The following ZBTB44 variants were observed in gnomAD, a reference collection of about 807,000 sequenced individuals.
ZBTB44 encodes zinc finger and BTB domain-containing protein 44.
ZBTB44 carries 15 observed loss-of-function variants against 54.0 expected under a neutral mutation model. That is an observed-to-expected ratio of 0.28 (90% CI 0.19 to 0.43). The LOEUF (loss-of-function observed/expected upper bound fraction) is 0.43. ZBTB44 is among the 20% of genes least tolerant of loss of function. The probability of loss-of-function intolerance (pLI) is 1.00; values close to 1 mark genes in which losing one functional copy is unlikely to be tolerated. For missense variants in ZBTB44, 487 were observed against 707.1 expected (o/e 0.69, Z 3.53); for synonymous variants, 230 against 250.1 (o/e 0.92, Z 0.76).
chr11:130,300,037 C>T (rs935032889), intron 1 of ZBTB44, among the ~76,000 whole-genome samples: 4 of 152,086 alleles, frequency 2.6e-5, no homozygotes, highest in African/African-American at 9.7e-5. Context: ...AGACATTATG[C>T]GAGTGAAATA....
chr11:130,254,419 T>C (rs528348838), intron 2 of ZBTB44, among the ~76,000 whole-genome samples: 1 of 152,276 alleles, frequency 6.6e-6, no homozygotes, highest in Admixed American at 6.5e-5. Context: ...GAGAAGGATA[T>C]GAACAGACAC....
intron 2 of ZBTB44, among the ~76,000 whole-genome samples, chr11:130,260,428 C>T (rs1051652759): frequency 7.9e-5 from 12 of 152,228 alleles, no homozygotes; most frequent in African/African-American, 2.9e-4. Context: ...TCCAGATGAG[C>T]ACTTTTGATA....
At chr11:130,298,866 T>C (rs1001806155) in intron 1 of ZBTB44, among the ~76,000 whole-genome samples, 2 of 147,122 alleles carry the variant, frequency 1.4e-5, no homozygotes, top group Admixed American at 6.7e-5. Flanking sequence ...CACAAAACCA[T>C]CAGTAAAGAT....
chr11:130,257,361 G>A (rs1298785031), intron 2 of ZBTB44, among the ~76,000 whole-genome samples: 3 of 152,142 alleles, frequency 2.0e-5, no homozygotes, highest in African/African-American at 4.8e-5. Flanking sequence ...TGCTGGATTA[G>A]GGTGGGACCT....
chr11:130,241,881 T>C (rs1954380369), intron 2 of ZBTB44, among the ~76,000 whole-genome samples: 1 of 152,242 alleles, frequency 6.6e-6, no homozygotes, highest in South Asian at 2.1e-4. Context: ...TTCTCTGCTC[T>C]GCAGTGCCTC....
At chr11:130,289,716 G>A (rs1941192701) in intron 1 of ZBTB44, among the ~76,000 whole-genome samples, 1 of 152,086 alleles carries the variant, frequency 6.6e-6, no homozygotes, top group Admixed American at 6.6e-5. Context: ...CCTAAGGATG[G>A]CAAAGCAAGA....
intron 1 of ZBTB44, among the ~76,000 whole-genome samples, chr11:130,298,455 G>GTTTT (rs996057514): frequency 2.1e-4 from 24 of 116,326 alleles, no homozygotes; most frequent in African/African-American, 6.7e-4. Flanking sequence ...AAAAGTTGAA[G>GTTTT]TTTTTTTTTT....
At chr11:130,281,800 TTTC>T (rs1940543956) in intron 1 of ZBTB44, among the ~76,000 whole-genome samples, 1 of 150,834 alleles carries the variant, frequency 6.6e-6, no homozygotes, top group African/African-American at 2.4e-5. Flanking sequence ...TTCGCCGGGG[TTTC>T]GCCGTGTTAG....
chr11:130,267,049 G>C (rs1191325164), intron 1 of ZBTB44, among the ~76,000 whole-genome samples: 1 of 152,094 alleles, frequency 6.6e-6, no homozygotes, highest in Non-Finnish European at 1.5e-5. Flanking sequence ...TGGATGGCTT[G>C]AGCTCAAGAG....
intron 2 of ZBTB44, among the ~76,000 whole-genome samples, chr11:130,255,919 A>AAC (rs1555167099): frequency 0.02 from 2,633 of 131,184 alleles, 62 homozygotes; most frequent in African/African-American, 0.071. Flanking sequence ...AAAAAAAAAA[A>AAC]AACACCCCTT....
intron 4 of ZBTB44, among the ~76,000 whole-genome samples, chr11:130,237,745 T>C (rs556393541): frequency 5.1e-4 from 77 of 152,278 alleles, no homozygotes; most frequent in African/African-American, 1.8e-3. Context: ...TCACAGAGAA[T>C]TGGTGCTAGG....
chr11:130,256,602 C>G (rs1196135608), intron 2 of ZBTB44, among the ~76,000 whole-genome samples: 1 of 151,826 alleles, frequency 6.6e-6, no homozygotes, highest in Admixed American at 6.6e-5. Flanking sequence ...CTTGAATGAG[C>G]TGAGATCACA....
At chr11:130,285,638 C>A in intron 1 of ZBTB44, 1 of 259,410 alleles carries the variant, frequency 3.9e-6, no homozygotes, top group South Asian at 5.7e-5. Flanking sequence ...TTGGAATATC[C>A]CCTACTTCAC....
chr11:130,296,594 G>C, intron 1 of ZBTB44: 1 of 898,462 alleles, frequency 1.1e-6, no homozygotes, highest in Non-Finnish European at 1.9e-6. Flanking sequence ...AGGTAGAACA[G>C]CCAGAGGCCT....
At chr11:130,244,654 G>A (rs1250007868) in intron 2 of ZBTB44, among the ~76,000 whole-genome samples, 1 of 125,610 alleles carries the variant, frequency 8.0e-6, no homozygotes, top group African/African-American at 3.2e-5. Flanking sequence ...GCGACAGAGA[G>A]AGACTCTGTC....
chr11:130,276,989 T>A (rs1443606170), intron 1 of ZBTB44, among the ~76,000 whole-genome samples: 4 of 152,244 alleles, frequency 2.6e-5, no homozygotes, highest in Non-Finnish European at 5.9e-5. Context: ...TTACATGATA[T>A]ATTTATTTCC....
At chr11:130,305,663 T>C (rs1417230300) in intron 1 of ZBTB44, among the ~76,000 whole-genome samples, 1 of 152,108 alleles carries the variant, frequency 6.6e-6, no homozygotes, top group Non-Finnish European at 1.5e-5. Context: ...TTCTGGAAGA[T>C]AACATCAGAA....
In ZBTB44 at chr11:130,230,993, T is replaced by C. The variant is rs1340641886; in HGVS notation, c.*771A>G. The C allele has an allele frequency of 6.6e-6, 1 of 152,088 alleles. No individual in the cohort carries two copies. The highest frequency in any genetic ancestry group is 1.5e-5 in the Non-Finnish European group (1 of 67,960). 9.4% of individuals were successfully genotyped at this position (152,088 alleles called of 1,614,324 possible). A position where few individuals can be genotyped will look rare whatever the true frequency, so the allele number is the denominator to read the frequency against. ...TTCTGCATTCTGAAATTTAAGCCCT[T>C]TAGATACCACAAAGTTACCCTCCTG... is the stretch of plus-strand genomic sequence containing the variant. On this transcript the variant is annotated 3_prime_UTR_variant, in exon 8 of 8. Transcript: ENST00000357899.
chr11:130,292,649 T>C (rs1941374017), intron 1 of ZBTB44, among the ~76,000 whole-genome samples: 2 of 152,214 alleles, frequency 1.3e-5, no homozygotes, highest in African/African-American at 4.8e-5. Flanking sequence ...AAAAGCTTAA[T>C]TGCAAATGAT....
Sources: gnomAD v4.1 joint callset for allele counts (sites outside exome capture counted in the v4.1 genomes callset) on GRCh38, gnomAD v4.1.1 for gene constraint, MANE v1.5 for transcripts, NCBI Gene and HGNC (gene_info 2026-07-23, HGNC 2026-07-21) for gene names.